SGMS2: variants seen among roughly 807,000 people sequenced by gnomAD.
SGMS2 encodes the protein sphingomyelin synthase 2.
Under a neutral mutation model 43.8 loss-of-function variants are expected in SGMS2, and 21 were observed. The observed-to-expected ratio is 0.48, with a 90% CI of 0.34 to 0.69. The LOEUF (loss-of-function observed/expected upper bound fraction) is 0.69. Among genes scored for constraint, SGMS2 ranks in the 30% least tolerant of loss-of-function variants. SGMS2 has a pLI of 0.01. For synonymous variants in SGMS2, 167 were observed against 160.6 expected, an observed-to-expected ratio of 1.04 and a Z score of -0.30; for missense variants, 384 against 443.2, an observed-to-expected ratio of 0.87 and a Z score of 1.20.
At chr4:107,861,119 C>T (rs978695475) in intron 2 of SGMS2, among the ~76,000 whole-genome samples, 5 of 152,124 alleles carry the variant, frequency 3.3e-5, no homozygotes, top group South Asian at 4.1e-4. Context: ...AATACATTTT[C>T]GAAAGATGAG....
intron 6 of SGMS2, among the ~76,000 whole-genome samples, chr4:107,910,057 C>T (rs962869409): frequency 1.3e-5 from 2 of 152,124 alleles, no homozygotes; most frequent in African/African-American, 4.8e-5. Flanking sequence ...ATCACTCACA[C>T]ATCCTGAAAA....
Position 107,858,561 on chromosome 4 carries a change from T to C in SGMS2, c.-245+8T>C, listed in dbSNP as rs1259949179. 6.6e-6 allele frequency: 1 copy of C among 152,268 alleles called. No homozygotes were observed. The highest frequency in any genetic ancestry group is 1.5e-5 in the Non-Finnish European group (1 of 68,094). 9.4% of individuals were successfully genotyped at this position (152,268 alleles called of 1,614,324 possible). ...ACTGCTGCAAGGACCAAGGTGGGAA[T>C]TGCTGTGCTACCATCTGGAAACAGT... On this transcript the variant is annotated splice_region_variant and intron_variant, in intron 2 of 6. Coordinates refer to ENST00000690982, the MANE Select transcript of SGMS2 (RefSeq NM_001375905.1).
Position 107,895,923 on chromosome 4 carries a change from G to C in SGMS2, c.370G>C (p.Val124Leu). 1 of 1,613,956 alleles carries C rather than the reference G, an allele frequency of 6.2e-7. No individual in the cohort carries two copies. Among genetic ancestry groups the C allele is most frequent in the Non-Finnish European group, 8.5e-7 (1 of 1,179,926 alleles). Reference sequence around the variant, plus strand: ...CAAGTTTTTTGATTACATTGATAGGGTGAAATGGGCATTTTCTGTATCAGA... The same window carrying C: ...CAAGTTTTTTGATTACATTGATAGGCTGAAATGGGCATTTTCTGTATCAGA... Reference protein sequence around the residue: ...PDKFFDYIDRVKWAFSVSEIN... With the variant: ...PDKFFDYIDRLKWAFSVSEIN... Residue 124 changes from valine to leucine, a missense_variant, in exon 3 of 7, where the codon GTG becomes CTG. Coordinates refer to ENST00000690982, the MANE Select transcript of SGMS2 (RefSeq NM_001375905.1).
intron 1 of SGMS2, among the ~76,000 whole-genome samples, chr4:107,834,318 T>A (rs984734502): frequency 3.9e-5 from 6 of 152,216 alleles, no homozygotes; most frequent in African/African-American, 7.2e-5. Flanking sequence ...TTCTGTGTAT[T>A]TCTATACCTA....
chr4:107,824,700 T>C (rs972341655), upstream of SGMS2: 8 of 152,208 alleles, frequency 5.3e-5, no homozygotes, highest in Non-Finnish European at 8.8e-5. Flanking sequence ...GCTGGGATTT[T>C]CTTCTTAAGA....
At chr4:107,894,895 T>G (rs966580099) in intron 2 of SGMS2, among the ~76,000 whole-genome samples, 2 of 152,160 alleles carry the variant, frequency 1.3e-5, no homozygotes, top group African/African-American at 4.8e-5. Context: ...CTCTTACCAG[T>G]TTTTTATTCT....
intron 5 of SGMS2, among the ~76,000 whole-genome samples, chr4:107,905,826 T>C (rs1310543873): frequency 1.3e-5 from 2 of 152,202 alleles, no homozygotes; most frequent in East Asian, 3.8e-4. Flanking sequence ...GCAAGGCAAC[T>C]TGTGATTGAT....
rs540722578 is a variant in SGMS2, at chr4:107,883,975, A to T, written c.-244-11335A>T. 8.7e-4 allele frequency among the ~76,000 whole-genome samples: 132 copies of T among 152,230 alleles called. 1 individual carries two copies. The highest frequency in any genetic ancestry group is 1.7e-3 in the Non-Finnish European group (115 of 68,028). On this transcript the variant is annotated intron_variant, in intron 2 of 6. Transcript: ENST00000690982. ...AGAAAAATTACATTTCAAAAACTAT[A>T]GTACACTTGTTAGATTCTAGTCTTG...
chr4:107,904,468 T>G (rs1731379762), intron 5 of SGMS2, among the ~76,000 whole-genome samples: 1 of 152,180 alleles, frequency 6.6e-6, no homozygotes, highest in African/African-American at 2.4e-5. Context: ...CCCCTTTGAT[T>G]ACCTGGGGTA....
chr4:107,838,442 T>G (rs1726318343), intron 1 of SGMS2, among the ~76,000 whole-genome samples: 1 of 152,044 alleles, frequency 6.6e-6, no homozygotes, highest in Non-Finnish European at 1.5e-5. Flanking sequence ...CTTCTTCTTC[T>G]TCTTTTTTTG....
At chr4:107,873,777 T>G (rs1728715359) in intron 2 of SGMS2, among the ~76,000 whole-genome samples, 1 of 152,154 alleles carries the variant, frequency 6.6e-6, no homozygotes, top group African/African-American at 2.4e-5. Flanking sequence ...TAAGAGCACC[T>G]GCCCACAGTT....
At chr4:107,907,330 G>A (rs1209885821) in intron 5 of SGMS2, 1 of 152,224 alleles carries the variant, frequency 6.6e-6, no homozygotes, top group Non-Finnish European at 1.5e-5. Context: ...TCTGGAAATG[G>A]GCTGGGCGCA....
intron 2 of SGMS2, among the ~76,000 whole-genome samples, chr4:107,884,618 A>C (rs1172240305): frequency 1.3e-5 from 2 of 152,212 alleles, no homozygotes; most frequent in Non-Finnish European, 2.9e-5. Context: ...ACATCTGCTC[A>C]CTGAGATAAA....
chr4:107,887,371 A>T (rs1258433541), intron 2 of SGMS2, among the ~76,000 whole-genome samples: 10 of 152,236 alleles, frequency 6.6e-5, no homozygotes, highest in Admixed American at 6.5e-4. Flanking sequence ...TCTGTGGCAT[A>T]CAATAATTTA....
At position 107,895,926 on chromosome 4, in the gene SGMS2, A is replaced by G. The variant is rs762138634; in HGVS notation, c.373A>G (p.Lys125Glu). 1 of 1,613,942 alleles carries G rather than the reference A, an allele frequency of 6.2e-7. No homozygotes were observed. Among genetic ancestry groups the G allele is most frequent in the Non-Finnish European group, 8.5e-7 (1 of 1,179,926 alleles). Residue 125 changes from lysine to glutamate, a missense_variant, in exon 3 of 7, where the codon AAA (lysine) becomes GAA (glutamate). Transcript: ENST00000690982. Reference protein sequence around the residue: ...DKFFDYIDRVKWAFSVSEING... With the variant: ...DKFFDYIDRVEWAFSVSEING... ...GTTTTTTGATTACATTGATAGGGTG[A>G]AATGGGCATTTTCTGTATCAGAAAT...
chr4:107,897,946 T>C (rs957434935), intron 3 of SGMS2, among the ~76,000 whole-genome samples: 1 of 152,184 alleles, frequency 6.6e-6, no homozygotes, highest in Non-Finnish European at 1.5e-5. Context: ...TTTCACCTTC[T>C]AAGTTGGTTT....
intron 1 of SGMS2, among the ~76,000 whole-genome samples, chr4:107,840,014 G>T (rs1726408962): frequency 6.6e-6 from 1 of 152,076 alleles, no homozygotes; most frequent in Non-Finnish European, 1.5e-5. Context: ...CAACTGGCCA[G>T]GTTTGGATGT....
intron 1 of SGMS2, among the ~76,000 whole-genome samples, chr4:107,835,293 TA>T (rs1377613116): frequency 3.3e-5 from 5 of 151,856 alleles, no homozygotes; most frequent in South Asian, 2.1e-4. Context: ...TGTAGAAGTA[TA>T]AAAAAAATTG....
At position 107,848,869 on chromosome 4, in the gene SGMS2, GT is replaced by G. The variant is rs199895480; in HGVS notation, c.-326-9600del. Among the ~76,000 whole-genome samples, 190 of 152,166 alleles carry G rather than the reference GT, an allele frequency of 1.2e-3. 5 individuals are homozygous for G. The East Asian group carries it at 0.033, about 26-fold the overall frequency. ...AATGACTTGTCTTTTTCTTAACAGT[GT>G]TTCTTAGAGTAGAAGTTTTTAATTT... is the stretch of plus-strand genomic sequence containing the variant. On this transcript the variant is annotated intron_variant, in intron 1 of 6. Coordinates refer to ENST00000690982, the MANE Select transcript of SGMS2 (RefSeq NM_001375905.1).
Sources: gnomAD v4.1 joint callset for allele counts (sites outside exome capture counted in the v4.1 genomes callset) on GRCh38, gnomAD v4.1.1 for gene constraint, MANE v1.5 for transcripts, NCBI Gene and HGNC (gene_info 2026-07-23, HGNC 2026-07-21) for gene names.